CNTNAP2: variants seen among roughly 807,000 people sequenced by gnomAD.
CNTNAP2 encodes the protein contactin-associated protein-like 2.
In CNTNAP2, 98 loss-of-function variants were observed where a neutral mutation model predicts 155.2. The ratio of observed to expected loss-of-function variants is 0.63; its 90% confidence interval spans 0.54 to 0.75. The LOEUF (loss-of-function observed/expected upper bound fraction) is 0.75, where lower values mean the gene tolerates loss of function less well. CNTNAP2 is among the 30% of genes least tolerant of loss of function. The pLI, the probability that CNTNAP2 is intolerant of heterozygous loss-of-function variation, is 0.00. For synonymous variants in CNTNAP2, 651 were observed against 631.2 expected, an observed-to-expected ratio of 1.03 and a Z score of -0.47; for missense variants, 1,727 against 1,688.1, an observed-to-expected ratio of 1.02 and a Z score of -0.40.
chr7:148,333,904 C>T (rs932070669), intron 21 of CNTNAP2, among the ~76,000 whole-genome samples: 3 of 152,236 alleles, frequency 2.0e-5, no homozygotes, highest in Non-Finnish European at 2.9e-5. Context: ...AATAATCTGA[C>T]TTGCACAACT....
rs763817928 is a variant in CNTNAP2, at chr7:148,125,655, CTGTGTGTG to C, written c.2554+7395_2554+7402del. 3.2e-3 allele frequency among the ~76,000 whole-genome samples: 431 copies of C among 136,378 alleles called. 1 individual carries two copies. Among genetic ancestry groups the C allele is most frequent in the African/African-American group, 4.1e-3 (144 of 35,142 alleles). The allele number at this position is 136,378 out of a possible 152,430, so 89.5% of individuals were successfully genotyped here. A position where few individuals can be genotyped will look rare whatever the true frequency, so the allele number is the denominator to read the frequency against. On this transcript the variant is annotated intron_variant, in intron 16 of 23. Transcript: ENST00000361727. ...ACTAGTAATCTCTGTTATTATAAAA[CTGTGTGTG>C]TGTGTGTGTGTGTGTGTGTGTGTGT...
At chr7:146,353,942 A>C (rs1349854166) in intron 1 of CNTNAP2, among the ~76,000 whole-genome samples, 2 of 152,324 alleles carry the variant, frequency 1.3e-5, no homozygotes, top group South Asian at 2.1e-4. Flanking sequence ...TATTTGTTCA[A>C]AAATATTGCT....
chr7:147,751,796 A>G (rs1475305366), intron 13 of CNTNAP2, among the ~76,000 whole-genome samples: 1 of 152,240 alleles, frequency 6.6e-6, no homozygotes, highest in Non-Finnish European at 1.5e-5. Flanking sequence ...TAAGAAAAAT[A>G]CATCCTCTTA....
intron 11 of CNTNAP2, among the ~76,000 whole-genome samples, chr7:147,499,464 G>A (rs1798771095): frequency 6.6e-6 from 1 of 152,126 alleles, no homozygotes. Context: ...GGGAGGCAGA[G>A]CTTGCAGTGA....
intron 1 of CNTNAP2, among the ~76,000 whole-genome samples, chr7:146,729,750 T>G (rs1336411225): frequency 6.6e-6 from 1 of 152,134 alleles, no homozygotes; most frequent in Non-Finnish European, 1.5e-5. Flanking sequence ...CCATTTTCTA[T>G]GCAAAATGTG....
chr7:146,148,157 G>A (rs1026168082), intron 1 of CNTNAP2, among the ~76,000 whole-genome samples: 1 of 152,036 alleles, frequency 6.6e-6, no homozygotes, highest in African/African-American at 2.4e-5. Context: ...TTTTTAAAAT[G>A]ATGCATTATA....
intron 10 of CNTNAP2, among the ~76,000 whole-genome samples, chr7:147,431,127 G>A (rs1167141529): frequency 6.6e-6 from 1 of 151,840 alleles, no homozygotes; most frequent in Non-Finnish European, 1.5e-5. Context: ...CAGGTCATAT[G>A]GTATGACTGG....
intron 13 of CNTNAP2, among the ~76,000 whole-genome samples, chr7:147,735,694 A>G (rs976936190): frequency 2.6e-5 from 4 of 152,172 alleles, no homozygotes; most frequent in Admixed American, 6.5e-5. Flanking sequence ...TGCTTTATCA[A>G]TCTGGGTGCT....
chr7:146,810,192 T>C (rs191785116), intron 2 of CNTNAP2, among the ~76,000 whole-genome samples: 193 of 152,268 alleles, frequency 1.3e-3, no homozygotes, highest in African/African-American at 4.5e-3. Context: ...TGCTCTGTAT[T>C]TTGTTTCATT....
At chr7:148,147,350 TG>T (rs1805204061) in intron 16 of CNTNAP2, 140 bp from the exon 17 acceptor site, 1 of 817,372 alleles carries the variant, frequency 1.2e-6, no homozygotes, top group Non-Finnish European at 2.1e-6. Flanking sequence ...CTTCTTCCAT[TG>T]ATTTTGCCAT....
chr7:147,486,066 A>T (rs1345842441), intron 11 of CNTNAP2, 25 bp downstream of exon 11: 1 of 1,580,882 alleles, frequency 6.3e-7, no homozygotes, highest in Non-Finnish European at 8.7e-7. Flanking sequence ...ATCTCACTTT[A>T]ATCTTGTAAT....
intron 21 of CNTNAP2, among the ~76,000 whole-genome samples, chr7:148,341,335 A>C (rs938156529): frequency 6.6e-6 from 1 of 151,796 alleles, no homozygotes; most frequent in Non-Finnish European, 1.5e-5. Flanking sequence ...CTAATCCGTA[A>C]TAGTGTGTTA....
intron 1 of CNTNAP2, among the ~76,000 whole-genome samples, chr7:146,155,812 G>A (rs1798116988): frequency 6.6e-6 from 1 of 151,688 alleles, no homozygotes; most frequent in Non-Finnish European, 1.5e-5. Context: ...TGATTCTCCT[G>A]CCTCAACCTC....
chr7:147,958,734 A>G (rs1312336204), intron 14 of CNTNAP2, among the ~76,000 whole-genome samples: 1 of 152,178 alleles, frequency 6.6e-6, no homozygotes, highest in African/African-American at 2.4e-5. Flanking sequence ...CTAAAACTCA[A>G]TTACTTATAG....
At chr7:146,684,391 T>C (rs1800557830) in intron 1 of CNTNAP2, among the ~76,000 whole-genome samples, 1 of 152,056 alleles carries the variant, frequency 6.6e-6, no homozygotes, top group African/African-American at 2.4e-5. Context: ...TTTTTACAAG[T>C]GTAATTATAC....
At chr7:146,126,690 T>A (rs1377579144) in intron 1 of CNTNAP2, among the ~76,000 whole-genome samples, 1 of 152,234 alleles carries the variant, frequency 6.6e-6, no homozygotes, top group Admixed American at 6.5e-5. Flanking sequence ...AATTGTTTAA[T>A]CTATAAGCAC....
At chr7:147,292,158 A>T (rs1805327546) in intron 8 of CNTNAP2, among the ~76,000 whole-genome samples, 1 of 152,118 alleles carries the variant, frequency 6.6e-6, no homozygotes, top group African/African-American at 2.4e-5. Flanking sequence ...CAGGTCCTGA[A>T]AATATTCTGT....
intron 16 of CNTNAP2, among the ~76,000 whole-genome samples, chr7:148,124,932 A>G (rs1804682729): frequency 6.6e-6 from 1 of 152,152 alleles, no homozygotes; most frequent in South Asian, 2.1e-4. Context: ...AATGGGGAAA[A>G]GAATTCTAGG....
chr7:146,555,492 GT>G (rs1798184181), intron 1 of CNTNAP2, among the ~76,000 whole-genome samples: 1 of 84,594 alleles, frequency 1.2e-5, no homozygotes, highest in East Asian at 2.2e-4. Context: ...TGTATCATCT[GT>G]CTGTCTATCT....
Sources: allele counts gnomAD v4.1 joint callset (sites outside exome capture counted in the v4.1 genomes callset), GRCh38; gene constraint gnomAD v4.1.1; transcripts MANE v1.5; gene names NCBI Gene and HGNC (gene_info 2026-07-23, HGNC 2026-07-21).